Variants in CNTN3 observed in about 807,000 individuals in gnomAD.
CNTN3 encodes contactin 3.
A neutral mutation model predicts 119.1 loss-of-function variants in CNTN3; 60 were observed. The ratio of observed to expected loss-of-function variants is 0.50; its 90% CI spans 0.41 to 0.62. CNTN3 has a LOEUF of 0.62. Ranked by LOEUF, CNTN3 falls within the 20% of genes least tolerant of loss-of-function variation. The pLI is 0.00. For missense variants in CNTN3, 1,101 were observed against 1,242.4 expected (o/e 0.89, Z 1.71); for synonymous variants, 450 against 438.7 (o/e 1.03, Z -0.32).
intron 4 of CNTN3, among the ~76,000 whole-genome samples, chr3:74,470,057 AT>A (rs1467536740): frequency 6.6e-6 from 1 of 152,182 alleles, no homozygotes; most frequent in African/African-American, 2.4e-5. Context: ...ATGCTACTAT[AT>A]GAAGAACCTT....
Position 74,285,350 on chromosome 3 carries a change from C to A in CNTN3, c.2659G>T (p.Ala887Ser), listed in dbSNP as rs370366005. ...TAVRAYNSAG[A>S]GPFSATVNVT... ...TTAACTGTGGCGCTAAAAGGCCCAG[C>A]GCCGGCACTGTTGTAAGCCCGGACA... Residue 887 changes from alanine to serine, a missense_variant, in exon 20 of 23, where the codon GCT becomes TCT. Transcript: ENST00000263665. The A allele has an allele frequency of 1.9e-6, 3 of 1,612,656 alleles. No homozygotes were observed. The South Asian group carries it at 3.3e-5, about 18-fold the overall frequency.
At chr3:74,561,809 A>G (rs1704158265) in intron 1 of CNTN3, among the ~76,000 whole-genome samples, 1 of 152,184 alleles carries the variant, frequency 6.6e-6, no homozygotes, top group African/African-American at 2.4e-5. Flanking sequence ...GCATCATTAG[A>G]ACTTAATAGG....
chr3:74,561,102 C>A lies in CNTN3; in HGVS notation c.-80-39910G>T, dbSNP rs185965290. ...ATGACGAGTTAATGGGTGCAGCACG[C>A]CAACATGGCACATGTATACATATGT... On this transcript the variant is annotated intron_variant, in intron 1 of 22. Transcript: ENST00000263665. Among the ~76,000 whole-genome samples the A allele has an allele frequency of 1.3e-3, 191 of 150,958 alleles. 2 individuals carry two copies. The highest frequency in any genetic ancestry group is 0.012 in the Admixed American group (184 of 15,116).
At chr3:74,317,267 C>T (rs1412210646) in intron 13 of CNTN3, among the ~76,000 whole-genome samples, 7 of 150,104 alleles carry the variant, frequency 4.7e-5, no homozygotes, top group African/African-American at 1.7e-4. Context: ...ATACAGCACA[C>T]TGATGGGTCT....
At chr3:74,445,592 ATATT>A (rs1450879634) in intron 4 of CNTN3, among the ~76,000 whole-genome samples, 1 of 152,184 alleles carries the variant, frequency 6.6e-6, no homozygotes, top group Non-Finnish European at 1.5e-5. Context: ...CTTTAATAAG[ATATT>A]TATTTAACTA....
intron 19 of CNTN3, among the ~76,000 whole-genome samples, chr3:74,294,397 C>T (rs1243931016): frequency 6.6e-6 from 1 of 152,140 alleles, no homozygotes; most frequent in African/African-American, 2.4e-5. Flanking sequence ...TTGAAGTCAC[C>T]TTTCCAAACA....
intron 4 of CNTN3, among the ~76,000 whole-genome samples, chr3:74,454,740 G>A (rs1236297215): frequency 2.0e-5 from 3 of 151,986 alleles, no homozygotes; most frequent in African/African-American, 7.3e-5. Context: ...TTGCTTGTCT[G>A]TAAAGGATTT....
rs779815745 is a variant in CNTN3, at chr3:74,371,388, C to A, written c.466G>T (p.Ala156Ser). The A allele has an allele frequency of 5.0e-6, 8 of 1,611,898 alleles. No homozygotes were observed. The Admixed American group carries it at 1.3e-4, about 27-fold the overall frequency. The change falls in exon 6 of 23, where the codon GCT (alanine) becomes TCT (serine). Residue 156 changes from alanine to serine, a missense_variant. Coordinates refer to ENST00000263665, the MANE Select transcript of CNTN3 (RefSeq NM_020872.3). ...GATGGGTATTCATTGAAGATCCAAGCATATGACAGTTCTAATAAAATTGTT... is the reference window on the plus strand; with the variant it reads ...GATGGGTATTCATTGAAGATCCAAGAATATGACAGTTCTAATAAAATTGTT... Reference protein sequence around the residue: ...PPPHSGELSYAWIFNEYPSFV... With the variant: ...PPPHSGELSYSWIFNEYPSFV...
At chr3:74,540,698 C>A (rs1236247578) in intron 1 of CNTN3, among the ~76,000 whole-genome samples, 1 of 152,146 alleles carries the variant, frequency 6.6e-6, no homozygotes, top group Non-Finnish European at 1.5e-5. Context: ...CTCTACTTCT[C>A]TACACTGCCT....
chr3:74,302,680 A>C lies in CNTN3; in HGVS notation c.1786+10T>G. ...GAAGTGACAAACTCAAGGGGGCATA[A>C]ATGTTTTACCTCTTACTATGAGGTC... On this transcript the variant is annotated intron_variant, in intron 14 of 22. Coordinates refer to ENST00000263665, the MANE Select transcript of CNTN3 (RefSeq NM_020872.3). The C allele has an allele frequency of 6.5e-7, 1 of 1,549,136 alleles. No individual in the cohort carries two copies. Among genetic ancestry groups the C allele is most frequent in the Non-Finnish European group, 8.9e-7 (1 of 1,122,418 alleles).
At chr3:74,376,181 C>T (rs896433942) in intron 5 of CNTN3, among the ~76,000 whole-genome samples, 2 of 152,156 alleles carry the variant, frequency 1.3e-5, no homozygotes, top group African/African-American at 4.8e-5. Flanking sequence ...TTGAGACTTG[C>T]GTTGGACTTC....
intron 1 of CNTN3, among the ~76,000 whole-genome samples, chr3:74,594,435 C>T (rs1260939009): frequency 6.6e-5 from 10 of 151,322 alleles, no homozygotes; most frequent in African/African-American, 2.2e-4. Flanking sequence ...TAATGCTATC[C>T]CTCCCCTCTC....
At chr3:74,389,337 G>A (rs1266645983) in intron 5 of CNTN3, among the ~76,000 whole-genome samples, 2 of 151,752 alleles carry the variant, frequency 1.3e-5, no homozygotes, top group African/African-American at 2.4e-5. Context: ...CTTTTTTCAC[G>A]GGAAGATTAT....
chr3:74,369,677 G>A (rs1394764326), intron 7 of CNTN3, among the ~76,000 whole-genome samples: 1 of 149,114 alleles, frequency 6.7e-6, no homozygotes, highest in Admixed American at 6.7e-5. Context: ...TATGAAATTC[G>A]GCAGGCAGAG....
intron 13 of CNTN3, among the ~76,000 whole-genome samples, chr3:74,311,448 A>C (rs1165918806): frequency 6.6e-6 from 1 of 152,246 alleles, no homozygotes; most frequent in Admixed American, 6.5e-5. Context: ...CATAAAAATA[A>C]TTTAGAAAAC....
chr3:74,287,072 A>G (rs1430703632), intron 19 of CNTN3, among the ~76,000 whole-genome samples: 1 of 152,202 alleles, frequency 6.6e-6, no homozygotes, highest in Non-Finnish European at 1.5e-5. Context: ...ACCTGAACAT[A>G]GTTTAAAAAT....
chr3:74,524,493 A>T (rs1703587703), intron 1 of CNTN3, among the ~76,000 whole-genome samples: 1 of 151,912 alleles, frequency 6.6e-6, no homozygotes, highest in African/African-American at 2.4e-5. Flanking sequence ...GGTTAGGGAA[A>T]ACTTCTCTGA....
At chr3:74,529,566 G>A (rs1244709308) in intron 1 of CNTN3, among the ~76,000 whole-genome samples, 2 of 151,848 alleles carry the variant, frequency 1.3e-5, no homozygotes, top group African/African-American at 4.8e-5. Flanking sequence ...ACTACTGAGA[G>A]GTTACCACTA....
chr3:74,557,968 T>C (rs548532880), intron 1 of CNTN3, among the ~76,000 whole-genome samples: 1 of 152,276 alleles, frequency 6.6e-6, no homozygotes, highest in African/African-American at 2.4e-5. Context: ...GGGTGGACTG[T>C]AATAGTTCCC....
Sources: gnomAD v4.1 joint callset for allele counts (sites outside exome capture counted in the v4.1 genomes callset) on GRCh38, gnomAD v4.1.1 for gene constraint, MANE v1.5 for transcripts, NCBI Gene and HGNC (gene_info 2026-07-23, HGNC 2026-07-21) for gene names.